HNRNPF: variants seen among roughly 807,000 people sequenced by gnomAD.
The protein encoded by HNRNPF is HnRNP F protein.
HNRNPF carries 2 observed loss-of-function variants against 26.0 expected under a neutral mutation model. The observed-to-expected ratio is 0.08, with a 90% CI of 0.03 to 0.24. The LOEUF is 0.24. Among genes scored for constraint, HNRNPF ranks in the 10% least tolerant of loss-of-function variants. The probability of loss-of-function intolerance (pLI) is 1.00; values close to 1 mark genes in which losing one functional copy is unlikely to be tolerated. For missense variants in HNRNPF, 299 were observed against 539.2 expected (o/e 0.55, Z 4.41); for synonymous variants, 234 against 211.5 (o/e 1.11, Z -0.92).
At chr10:43,388,242 T>A (rs1409189872) in intron 3 of HNRNPF, among the ~76,000 whole-genome samples, 1 of 152,226 alleles carries the variant, frequency 6.6e-6, no homozygotes, top group Non-Finnish European at 1.5e-5. Context: ...CATGATAATA[T>A]GTGGCAGTTC....
chr10:43,408,255 C>T (rs1019338275), intron 1 of HNRNPF, among the ~76,000 whole-genome samples: 3 of 152,170 alleles, frequency 2.0e-5, no homozygotes, highest in Non-Finnish European at 4.4e-5. Flanking sequence ...GCCGGACTAA[C>T]GCACCCGGCC....
intron 1 of HNRNPF, chr10:43,397,317 C>G (rs1462191898): frequency 6.6e-6 from 1 of 152,280 alleles, no homozygotes; most frequent in African/African-American, 2.4e-5. Flanking sequence ...ATTGCCGGGC[C>G]CGCCAAGATG....
intron 1 of HNRNPF, among the ~76,000 whole-genome samples, chr10:43,401,081 C>CA (rs59546346): frequency 0.014 from 1,980 of 140,694 alleles, 21 homozygotes; most frequent in Non-Finnish European, 0.014. Flanking sequence ...GACTCCGTCT[C>CA]AAAAAAAAAA....
At chr10:43,406,687 G>C (rs1838929893) in intron 1 of HNRNPF, among the ~76,000 whole-genome samples, 4 of 152,118 alleles carry the variant, frequency 2.6e-5, no homozygotes. Flanking sequence ...GTGAGACCCT[G>C]TCTCAAAAAA....
chr10:43,408,558 C>T (rs1839003863), intron 1 of HNRNPF, among the ~76,000 whole-genome samples: 1 of 152,158 alleles, frequency 6.6e-6, no homozygotes. Flanking sequence ...CCCAACGATC[C>T]CCACCCCAAT....
intron 1 of HNRNPF, among the ~76,000 whole-genome samples, chr10:43,398,719 G>C (rs927711123): frequency 3.3e-5 from 5 of 151,856 alleles, no homozygotes; most frequent in Admixed American, 2.0e-4. Flanking sequence ...GCAGTGGCAC[G>C]ATCATGGCAA....
intron 1 of HNRNPF, among the ~76,000 whole-genome samples, chr10:43,404,956 G>A (rs1838866720): frequency 1.3e-5 from 2 of 152,178 alleles, no homozygotes; most frequent in Non-Finnish European, 1.5e-5. Context: ...GGGAAGGAAT[G>A]CTGCAAGACA....
chr10:43,398,486 C>T (rs1261252809), intron 1 of HNRNPF, among the ~76,000 whole-genome samples: 2 of 151,592 alleles, frequency 1.3e-5, no homozygotes, highest in African/African-American at 2.4e-5. Context: ...GGATTATAGG[C>T]GTGCGCTACC....
At chr10:43,395,278 C>A (rs1021398804) in intron 2 of HNRNPF, among the ~76,000 whole-genome samples, 1 of 152,100 alleles carries the variant, frequency 6.6e-6, no homozygotes, top group African/African-American at 2.4e-5. Flanking sequence ...TATAGGAACC[C>A]CTCTGTAAGC....
At chr10:43,401,595 A>T (rs1325133723) in intron 1 of HNRNPF, among the ~76,000 whole-genome samples, 1 of 152,228 alleles carries the variant, frequency 6.6e-6, no homozygotes, top group Non-Finnish European at 1.5e-5. Context: ...AGCTGGAGTA[A>T]CTGGAAATAA....
chr10:43,400,009 A>G (rs970263596), intron 1 of HNRNPF, among the ~76,000 whole-genome samples: 44 of 152,352 alleles, frequency 2.9e-4, no homozygotes, highest in African/African-American at 1.0e-3. Context: ...TTTCATGTAG[A>G]AAGAAGGGAA....
chr10:43,387,979 A>C lies in HNRNPF; in HGVS notation c.-52-43T>G. ...AAAAATTTATTTAGTATGCAACAGAAATTTTCCCCATTTTACAGACGAGAG... is the reference window on the plus strand; with the variant it reads ...AAAAATTTATTTAGTATGCAACAGACATTTTCCCCATTTTACAGACGAGAG... On this transcript the variant is annotated intron_variant, in intron 3 of 3. Coordinates refer to ENST00000682386, the MANE Select transcript of HNRNPF (RefSeq NM_001098204.2). This position sits in a 1 kb window ranked among gnomAD's most constrained non-coding sequence, Gnocchi z 6.0. The C allele has an allele frequency of 9.4e-7, 1 of 1,068,722 alleles. No individual in the cohort carries two copies. The highest frequency in any genetic ancestry group is 1.3e-6 in the Non-Finnish European group (1 of 747,370). 66.2% of individuals were successfully genotyped at this position (1,068,722 alleles called of 1,614,324 possible).
At chr10:43,391,292 C>CCA (rs779943488) in intron 3 of HNRNPF, among the ~76,000 whole-genome samples, 93 of 107,542 alleles carry the variant, frequency 8.6e-4, no homozygotes, top group African/African-American at 2.0e-3. Context: ...GACTCTGTCT[C>CCA]AAAAAAAAAA....
intron 1 of HNRNPF, among the ~76,000 whole-genome samples, chr10:43,402,934 TG>T (rs1309608493): frequency 6.6e-6 from 1 of 151,892 alleles, no homozygotes; most frequent in Non-Finnish European, 1.5e-5. Context: ...TTGCTCAGGG[TG>T]GTATGCAGTA....
intron 2 of HNRNPF, among the ~76,000 whole-genome samples, chr10:43,395,588 G>A (rs1838456552): frequency 6.6e-6 from 1 of 152,320 alleles, no homozygotes; most frequent in Admixed American, 6.5e-5. Flanking sequence ...ACACTATTGG[G>A]GGGGTGTACA....
intron 1 of HNRNPF, among the ~76,000 whole-genome samples, chr10:43,399,280 GTC>G (rs1564397972): frequency 6.6e-6 from 1 of 152,046 alleles, no homozygotes. Flanking sequence ...TAGAGGCAAG[GTC>G]TCTCTATGAT....
rs1838029178 is a variant in HNRNPF at position 43,386,526 on chromosome 10, CAA to C, written c.*109_*110del. The C allele has an allele frequency of 3.7e-6, 4 of 1,086,076 alleles. No individual in the cohort carries two copies. Among genetic ancestry groups the C allele is most frequent in the Non-Finnish European group, 3.8e-6 (3 of 790,970 alleles). 67.3% of individuals were successfully genotyped at this position (1,086,076 alleles called of 1,614,324 possible). On this transcript the variant is annotated 3_prime_UTR_variant, in exon 4 of 4. Transcript: ENST00000682386. Reference sequence around the variant, plus strand: ...GTAATTTTTTAATCCAGATTTTTCACAAACTCATGGTGCAAAATGGGTCCCCC... The same window carrying C: ...GTAATTTTTTAATCCAGATTTTTCACACTCATGGTGCAAAATGGGTCCCCC...
At position 43,403,935 on chromosome 10, in the gene HNRNPF, T is replaced by C. The variant is rs906402381; in HGVS notation, c.-247+5196A>G. On this transcript the variant is annotated intron_variant, in intron 1 of 3. Coordinates refer to ENST00000682386, the MANE Select transcript of HNRNPF (RefSeq NM_001098204.2). ...TGAGCCCAGGAGGTTGAGGCTGCAGTGAGCTCTGTCCACACCAGGGCACTC... is the reference window on the plus strand; with the variant it reads ...TGAGCCCAGGAGGTTGAGGCTGCAGCGAGCTCTGTCCACACCAGGGCACTC... Among the ~76,000 whole-genome samples, 2 of 151,688 alleles carry C rather than the reference T, an allele frequency of 1.3e-5. 1 individual carries two copies. Among genetic ancestry groups the C allele is most frequent in the Admixed American group, 1.3e-4 (2 of 15,202 alleles).
intron 1 of HNRNPF, among the ~76,000 whole-genome samples, chr10:43,398,357 T>TTC (rs1170371248): frequency 4.7e-5 from 7 of 149,978 alleles, no homozygotes; most frequent in African/African-American, 1.7e-4. Flanking sequence ...TTTTTTTTTT[T>TTC]TTGAGAGACA....
Sources: allele counts gnomAD v4.1 joint callset (sites outside exome capture counted in the v4.1 genomes callset), GRCh38; gene constraint gnomAD v4.1.1; non-coding constraint Gnocchi (gnomAD v3.1); transcripts MANE v1.5; gene names NCBI Gene and HGNC (gene_info 2026-07-23, HGNC 2026-07-21).